Variants in TRIM50 observed in about 807,000 individuals in gnomAD.
TRIM50 encodes E3 ubiquitin-protein ligase TRIM50.
TRIM50 carries 34 observed loss-of-function variants against 44.9 expected under a neutral mutation model. The ratio of observed to expected loss-of-function variants is 0.76; its 90% CI spans 0.58 to 1.01. TRIM50 has a LOEUF of 1.01. TRIM50 is among the 50% of genes least tolerant of loss of function. The pLI is 0.00. For synonymous variants in TRIM50, 307 were observed against 291.1 expected (o/e 1.05, Z -0.56); for missense variants, 633 against 663.7 (o/e 0.95, Z 0.51).
In TRIM50 at chr7:73,312,836, A is replaced by G. The variant is rs1488919661; in HGVS notation, c.*85T>C. On this transcript the variant is annotated 3_prime_UTR_variant, in exon 7 of 7. Transcript: ENST00000333149. ...GACCTTCCTAAACAGTGACGATATC[A>G]CCTCAGGCGGGACCCAGCAGAAGCC... The G allele has an allele frequency of 9.3e-7, 1 of 1,078,458 alleles. No homozygotes were observed. Among genetic ancestry groups the G allele is most frequent in the Non-Finnish European group, 1.3e-6 (1 of 772,576 alleles). 66.8% of individuals were successfully genotyped at this position (1,078,458 alleles called of 1,614,324 possible).
chr7:73,320,382 C>T, intron 2 of TRIM50, 140 bp from the exon 3 acceptor site: 1 of 1,210,072 alleles, frequency 8.3e-7, no homozygotes. Flanking sequence ...CCCAGGTACC[C>T]TTGAGTCCAA....
chr7:73,317,876 G>C (rs1804397338), intron 5 of TRIM50, among the ~76,000 whole-genome samples: 2 of 152,172 alleles, frequency 1.3e-5, no homozygotes, highest in Non-Finnish European at 2.9e-5. Flanking sequence ...AGGGTGAGGA[G>C]GGTAAGCAAG....
chr7:73,313,554 C>A lies in TRIM50; in HGVS notation c.875-44G>T. 1 of 1,430,000 alleles carries A rather than the reference C, an allele frequency of 7.0e-7. No individual in the cohort carries two copies. Among genetic ancestry groups the A allele is most frequent in the South Asian group, 1.4e-5 (1 of 69,534 alleles). The allele number at this position is 1,430,000 out of a possible 1,614,324, so 88.6% of individuals were successfully genotyped here. ...AGGGTCTGTGAGGCCACGTGGAGGGCAGCAGACCCGGCCCACAGAAGCTGA... is the reference window on the plus strand; with the variant it reads ...AGGGTCTGTGAGGCCACGTGGAGGGAAGCAGACCCGGCCCACAGAAGCTGA... On this transcript the variant is annotated intron_variant, in intron 6 of 6. Transcript: ENST00000333149. The surrounding 1 kb of genome is among the most constrained non-coding windows in gnomAD (Gnocchi z 4.9).
intron 5 of TRIM50, among the ~76,000 whole-genome samples, chr7:73,317,538 C>G (rs1804391321): frequency 6.6e-6 from 1 of 151,596 alleles, no homozygotes; most frequent in African/African-American, 2.4e-5. Flanking sequence ...TTGTATTTTT[C>G]ATAGAGACGG....
In TRIM50 at chr7:73,312,881, G is replaced by A. The variant is rs1377056461; in HGVS notation, c.*40C>T. On this transcript the variant is annotated 3_prime_UTR_variant, in exon 7 of 7. Transcript: ENST00000333149. ...GAAGCCCGCGAGTCCCCGGTGCCCC[G>A]CCGGGATGGGCCTGTGGGCCGGCAG... The A allele has an allele frequency of 1.4e-5, 20 of 1,451,820 alleles. No homozygotes were observed. The highest frequency in any genetic ancestry group is 7.1e-5 in the African/African-American group (5 of 70,204). 89.9% of individuals were successfully genotyped at this position (1,451,820 alleles called of 1,614,324 possible). A position where few individuals can be genotyped will look rare whatever the true frequency, so the allele number is the denominator to read the frequency against.
At chr7:73,323,075 G>C (rs1341983306) in intron 2 of TRIM50, among the ~76,000 whole-genome samples, 1 of 152,148 alleles carries the variant, frequency 6.6e-6, no homozygotes, top group Non-Finnish European at 1.5e-5. Flanking sequence ...GTCTGCCCCA[G>C]GCCTTTGTCC....
intron 5 of TRIM50, 158 bp from the exon 6 acceptor site, chr7:73,316,847 G>T: frequency 9.0e-7 from 1 of 1,110,822 alleles, no homozygotes; most frequent in East Asian, 2.7e-5. Context: ...AGCCCCTTCA[G>T]GGAGGACCCA....
At chr7:73,315,441 C>T (rs1804334074) in intron 6 of TRIM50, among the ~76,000 whole-genome samples, 1 of 151,786 alleles carries the variant, frequency 6.6e-6, no homozygotes, top group African/African-American at 2.4e-5. Flanking sequence ...TCACTGCAGC[C>T]TCCCAACTCC....
intron 2 of TRIM50, among the ~76,000 whole-genome samples, chr7:73,324,012 C>T (rs1554545438): frequency 1.3e-5 from 2 of 151,488 alleles, no homozygotes; most frequent in Non-Finnish European, 1.5e-5. Flanking sequence ...TGCACTCCAG[C>T]CTGGGCAACA....
rs782721716 is a variant in TRIM50, at chr7:73,312,917, G to A, written c.*4C>T. Reference sequence around the variant, plus strand: ...CCTGTGGGCCGGCAGGACTCCGGGCGGCCCTACAGCTTGGTGGGCTGCTCG... The same window carrying A: ...CCTGTGGGCCGGCAGGACTCCGGGCAGCCCTACAGCTTGGTGGGCTGCTCG... On this transcript the variant is annotated 3_prime_UTR_variant, in exon 7 of 7. Coordinates refer to ENST00000333149, the MANE Select transcript of TRIM50 (RefSeq NM_178125.3). 11 of 1,526,836 alleles carry A rather than the reference G, an allele frequency of 7.2e-6. No individual in the cohort carries two copies. The highest frequency in any genetic ancestry group is 4.9e-5 in the East Asian group (2 of 40,642). 94.6% of individuals were successfully genotyped at this position (1,526,836 alleles called of 1,614,324 possible).
chr7:73,312,683 G>A lies in TRIM50; in HGVS notation c.*238C>T. ...GGTTAGCAAGTGGCAGGAACCATGGGGATTTCAGTGTGTCCCTGGCTGCCA... is the reference window on the plus strand; with the variant it reads ...GGTTAGCAAGTGGCAGGAACCATGGAGATTTCAGTGTGTCCCTGGCTGCCA... On this transcript the variant is annotated 3_prime_UTR_variant, in exon 7 of 7. Coordinates refer to ENST00000333149, the MANE Select transcript of TRIM50 (RefSeq NM_178125.3). The A allele has an allele frequency of 1.9e-6, 1 of 516,566 alleles. No individual in the cohort carries two copies. Among genetic ancestry groups the A allele is most frequent in the Non-Finnish European group, 3.4e-6 (1 of 294,352 alleles). The allele number at this position is 516,566 out of a possible 1,614,324, so 32.0% of individuals were successfully genotyped here.
Position 73,319,037 on chromosome 7 carries a change from A to G in TRIM50, c.511T>C (p.Phe171Leu), listed in dbSNP as rs1554544652. 12 of 1,613,938 alleles carry G rather than the reference A, an allele frequency of 7.4e-6. No individual in the cohort carries two copies. The highest frequency in any genetic ancestry group is 6.6e-5 in the South Asian group (6 of 91,074). ...AACTCGCGGCGGATCACCCAGCTGA[A>G]GACATCCGACTCATTCTGGGACAGG... ...RTRIVNESDV[F>L]SWVIRREFQE... is the part of the protein sequence containing the mutation. The change falls in exon 4 of 7, where the codon TTC becomes CTC. Residue 171 changes from phenylalanine to leucine, a missense_variant. Coordinates refer to ENST00000333149, the MANE Select transcript of TRIM50 (RefSeq NM_178125.3).
chr7:73,323,724 G>A (rs1376774030), intron 2 of TRIM50, among the ~76,000 whole-genome samples: 1 of 152,192 alleles, frequency 6.6e-6, no homozygotes, highest in Non-Finnish European at 1.5e-5. Context: ...GCACCATAGA[G>A]TGCAAACAGG....
chr7:73,315,518 C>T (rs1401341068), intron 6 of TRIM50, among the ~76,000 whole-genome samples: 1 of 152,100 alleles, frequency 6.6e-6, no homozygotes, highest in African/African-American at 2.4e-5. Context: ...TAACACCACA[C>T]CCCACTAATT....
rs371919849 is a variant in TRIM50 at position 73,324,458 on chromosome 7, G to A, written c.330C>T (p.Leu110=). Reference sequence around the variant, plus strand: ...GTTGGTGGGAGCCCAGCAGACCGCAGAGGCCACAGATGAGCTCCTGGTCCT... The same window carrying A: ...GTTGGTGGGAGCCCAGCAGACCGCAAAGGCCACAGATGAGCTCCTGGTCCT... ...CEKDQELICG[L]CGLLGSHQHH... Residue 110 remains leucine, a synonymous_variant, in exon 2 of 7, where the codon CTC becomes CTT. Transcript: ENST00000333149. The A allele has an allele frequency of 1.2e-6, 2 of 1,613,552 alleles. No homozygotes were observed. Among genetic ancestry groups the A allele is most frequent in the African/African-American group, 1.3e-5 (1 of 75,024 alleles).
In TRIM50 at chr7:73,313,163, C is replaced by A; in HGVS notation, c.1222G>T (p.Ala408Ser). Residue 408 changes from alanine (A) to serine (S), a missense_variant, in exon 7 of 7, where the codon GCC becomes TCC. By Grantham distance (99) the Ala-to-Ser change is moderately conservative. Coordinates refer to ENST00000333149, the MANE Select transcript of TRIM50 (RefSeq NM_178125.3). This position sits in a 1 kb window ranked among gnomAD's most constrained non-coding sequence, Gnocchi z 4.9. ...FACPRVPLPV[A>S]GHPHRIGLYL... is the part of the protein sequence containing the mutation. ...AGCCCGATGCGGTGGGGGTGGCCGGCCACGGGCAGGGGTACCCGGGGGCAG... is the reference window on the plus strand; with the variant it reads ...AGCCCGATGCGGTGGGGGTGGCCGGACACGGGCAGGGGTACCCGGGGGCAG... The A allele has an allele frequency of 6.3e-7, 1 of 1,588,358 alleles. No homozygotes were observed. Among genetic ancestry groups the A allele is most frequent in the Non-Finnish European group, 8.6e-7 (1 of 1,167,682 alleles).
Position 73,316,674 on chromosome 7 carries a change from C to G in TRIM50, c.765G>C (p.Gln255His), listed in dbSNP as rs782138989. The part of the protein sequence containing the change: ...HSMASRAEMP[Q>H]ARPLEGAFSP... ...TGAATGCGCCTTCTAAGGGCCGGGC[C>G]TGCGGCATCTCTGCTCTGCAGGTGA... is the stretch of plus-strand genomic sequence containing the variant. Residue 255 changes from glutamine (Q) to histidine (H), a missense_variant, in exon 6 of 7, where the codon CAG becomes CAC. By Grantham distance (24) the Gln-to-His change is conservative. Transcript: ENST00000333149. 2 of 1,614,096 alleles carry G rather than the reference C, an allele frequency of 1.2e-6. No homozygotes were observed. The highest frequency in any genetic ancestry group is 1.7e-6 in the Non-Finnish European group (2 of 1,180,026).
At chr7:73,319,457 CT>C (rs1233628950) in intron 3 of TRIM50, among the ~76,000 whole-genome samples, 3 of 152,252 alleles carry the variant, frequency 2.0e-5, no homozygotes, top group Admixed American at 6.5e-5. Context: ...CCACACCCCA[CT>C]TTGCCTATTT....
At chr7:73,318,171 G>GCATCATGCAGTA (rs1340713700) in intron 5 of TRIM50, among the ~76,000 whole-genome samples, 1 of 152,176 alleles carries the variant, frequency 6.6e-6, no homozygotes, top group Non-Finnish European at 1.5e-5. Context: ...CCGTCACCCA[G>GCATCATGCAGTA]GCTGGATCAT....
Sources: gnomAD v4.1 joint callset for allele counts (sites outside exome capture counted in the v4.1 genomes callset) on GRCh38, gnomAD v4.1.1 for gene constraint, Gnocchi (gnomAD v3.1) non-coding constraint, MANE v1.5 for transcripts, NCBI Gene and HGNC (gene_info 2026-07-23, HGNC 2026-07-21) for gene names.